Variants in VSNL1 observed in about 807,000 individuals in gnomAD.
VSNL1 encodes the protein visinin-like protein 1.
Under a neutral mutation model 20.4 loss-of-function variants are expected in VSNL1, and 6 were observed. The ratio of observed to expected loss-of-function variants is 0.29; its 90% CI spans 0.16 to 0.58. The LOEUF (loss-of-function observed/expected upper bound fraction) is 0.58, where lower values mean the gene tolerates loss of function less well. VSNL1 is among the 20% of genes least tolerant of loss of function. VSNL1 has a pLI of 0.90. For missense variants in VSNL1, 100 were observed against 234.5 expected (o/e 0.43, Z 3.75); for synonymous variants, 93 against 86.4 (o/e 1.08, Z -0.42).
intron 1 of VSNL1, among the ~76,000 whole-genome samples, chr2:17,576,475 TG>T (rs775276218): frequency 7.2e-5 from 11 of 152,232 alleles, no homozygotes; most frequent in Non-Finnish European, 1.3e-4. Flanking sequence ...TGTTTTCTGG[TG>T]GGTTATATTA....
intron 1 of VSNL1, among the ~76,000 whole-genome samples, chr2:17,553,956 A>C (rs1459328622): frequency 6.6e-6 from 1 of 152,202 alleles, no homozygotes; most frequent in African/African-American, 2.4e-5. Context: ...TTCATAATAA[A>C]GAAGTAGGGA....
chr2:17,556,409 G>T (rs1004443679), intron 1 of VSNL1, among the ~76,000 whole-genome samples: 3 of 152,102 alleles, frequency 2.0e-5, no homozygotes, highest in Non-Finnish European at 4.4e-5. Flanking sequence ...TCATTGGTAG[G>T]CAGACATCAT....
chr2:17,561,730 A>C (rs1663819922), intron 1 of VSNL1, among the ~76,000 whole-genome samples: 1 of 152,158 alleles, frequency 6.6e-6, no homozygotes, highest in African/African-American at 2.4e-5. Flanking sequence ...TATAAATCTG[A>C]GAGAATTTAG....
At chr2:17,617,460 C>T (rs1665243483) in intron 2 of VSNL1, among the ~76,000 whole-genome samples, 2 of 151,784 alleles carry the variant, frequency 1.3e-5, no homozygotes, top group South Asian at 4.2e-4. Context: ...CATGCCACTG[C>T]ACTTTAGCCT....
chr2:17,605,625 G>A (rs537478914), intron 2 of VSNL1, among the ~76,000 whole-genome samples: 1 of 152,288 alleles, frequency 6.6e-6, no homozygotes, highest in African/African-American at 2.4e-5. Flanking sequence ...AGTGTTAGGG[G>A]CATGTGCAGA....
intron 2 of VSNL1, among the ~76,000 whole-genome samples, chr2:17,623,169 TA>T (rs56680217): frequency 2.6e-4 from 39 of 152,050 alleles, no homozygotes; most frequent in South Asian, 6.2e-4. Flanking sequence ...ATCAATATCT[TA>T]AAAAAAATTG....
intron 2 of VSNL1, among the ~76,000 whole-genome samples, chr2:17,604,089 T>TGTAG (rs749294975): frequency 6.6e-6 from 1 of 152,000 alleles, no homozygotes; most frequent in Non-Finnish European, 1.5e-5. Flanking sequence ...TAAGTGTGGG[T>TGTAG]GTAGGTGAGC....
At chr2:17,541,924 G>T (rs1663293439) in intron 1 of VSNL1, among the ~76,000 whole-genome samples, 1 of 152,170 alleles carries the variant, frequency 6.6e-6, no homozygotes, top group Non-Finnish European at 1.5e-5. Context: ...TCAGTGCCCT[G>T]TGAGATGCCA....
chr2:17,635,011 C>A (rs1665720539), intron 2 of VSNL1, among the ~76,000 whole-genome samples: 1 of 152,158 alleles, frequency 6.6e-6, no homozygotes, highest in African/African-American at 2.4e-5. Flanking sequence ...GCTCAGGGCA[C>A]ATGAGGGTTT....
At chr2:17,577,270 A>G (rs1050040482) in intron 1 of VSNL1, among the ~76,000 whole-genome samples, 30 of 152,276 alleles carry the variant, frequency 2.0e-4, no homozygotes, top group African/African-American at 7.2e-4. Flanking sequence ...CTATATTTTC[A>G]GTTTCTGATA....
At chr2:17,582,656 C>G (rs564968500) in intron 1 of VSNL1, among the ~76,000 whole-genome samples, 1 of 151,806 alleles carries the variant, frequency 6.6e-6, no homozygotes, top group Non-Finnish European at 1.5e-5. Flanking sequence ...GTGAAGATGG[C>G]GGGCCACTTA....
chr2:17,654,531 T>C (rs1666185522), intron 3 of VSNL1, among the ~76,000 whole-genome samples: 1 of 152,132 alleles, frequency 6.6e-6, no homozygotes, highest in African/African-American at 2.4e-5. Context: ...CCCATCATGT[T>C]CCTCCCTGAA....
At chr2:17,581,417 T>G (rs930769272) in intron 1 of VSNL1, among the ~76,000 whole-genome samples, 2 of 152,248 alleles carry the variant, frequency 1.3e-5, no homozygotes, top group East Asian at 1.9e-4. Flanking sequence ...AGATATACAT[T>G]ATCACTTTTA....
chr2:17,647,426 C>T (rs1257623806), intron 2 of VSNL1, among the ~76,000 whole-genome samples: 1 of 152,266 alleles, frequency 6.6e-6, no homozygotes, highest in East Asian at 1.9e-4. Context: ...CCCACCCAGG[C>T]CCCTAATCAC....
intron 2 of VSNL1, among the ~76,000 whole-genome samples, chr2:17,640,996 C>G (rs913875736): frequency 7.9e-5 from 12 of 152,246 alleles, no homozygotes; most frequent in African/African-American, 2.9e-4. Flanking sequence ...CTGGCTCTGG[C>G]TGCCATTGCT....
At chr2:17,598,988 C>T (rs994744984) in intron 2 of VSNL1, among the ~76,000 whole-genome samples, 7 of 152,208 alleles carry the variant, frequency 4.6e-5, no homozygotes, top group African/African-American at 1.2e-4. Context: ...TATAGCTCCA[C>T]GCTAATGCAG....
intron 1 of VSNL1, among the ~76,000 whole-genome samples, chr2:17,586,774 A>G (rs1433942626): frequency 6.6e-6 from 1 of 152,192 alleles, no homozygotes; most frequent in Non-Finnish European, 1.5e-5. Flanking sequence ...AGGAAAAGAG[A>G]GGAGTAGTAA....
intron 2 of VSNL1, among the ~76,000 whole-genome samples, chr2:17,619,975 T>A (rs536201879): frequency 6.6e-6 from 1 of 151,602 alleles, no homozygotes; most frequent in Non-Finnish European, 1.5e-5. Context: ...TGAGAGGGCA[T>A]AGGGGAAGGG....
chr2:17,593,139 G>A (rs1664632918), intron 2 of VSNL1, among the ~76,000 whole-genome samples: 1 of 152,070 alleles, frequency 6.6e-6, no homozygotes, highest in Admixed American at 6.5e-5. Context: ...AAAATATTAA[G>A]CATTATCATT....
Sources: gnomAD v4.1 joint callset for allele counts (sites outside exome capture counted in the v4.1 genomes callset) on GRCh38, gnomAD v4.1.1 for gene constraint, MANE v1.5 for transcripts, NCBI Gene and HGNC (gene_info 2026-07-23, HGNC 2026-07-21) for gene names.